The following SULT1B1 variants were observed in gnomAD, a reference collection of about 807,000 sequenced individuals.
SULT1B1 encodes the protein sulfotransferase 1B1.
A neutral mutation model predicts 34.6 loss-of-function variants in SULT1B1; 28 were observed. The ratio of observed to expected loss-of-function variants is 0.81; its 90% CI spans 0.60 to 1.11. The LOEUF is 1.11. Among genes scored for constraint, SULT1B1 ranks in the 50% least tolerant of loss-of-function variants. The probability of loss-of-function intolerance (pLI) is 0.00; values close to 1 mark genes in which losing one functional copy is unlikely to be tolerated. For missense variants in SULT1B1, 374 were observed against 352.2 expected, an observed-to-expected ratio of 1.06 and a Z score of -0.50; for synonymous variants, 147 against 110.2, an observed-to-expected ratio of 1.33 and a Z score of -2.09.
intron 4 of SULT1B1, among the ~76,000 whole-genome samples, chr4:69,747,847 C>T (rs1261998807): frequency 2.6e-5 from 4 of 152,222 alleles, no homozygotes; most frequent in South Asian, 4.1e-4. Context: ...TCATGGTGCT[C>T]AGCAAACCTA....
chr4:69,722,302 T>G lies in SULT1B1; in HGVS notation c.*4786A>C, dbSNP rs1408903397. ...AAATGTGGAAATTATTTTATCTTGCTAGTGAAGAAAGTGTAGCTAATCTAT... is the reference window on the plus strand; with the variant it reads ...AAATGTGGAAATTATTTTATCTTGCGAGTGAAGAAAGTGTAGCTAATCTAT... On this transcript the variant is annotated 3_prime_UTR_variant, in exon 8 of 8. Coordinates refer to ENST00000310613, the MANE Select transcript of SULT1B1 (RefSeq NM_014465.4). 6.6e-6 allele frequency: 1 copy of G among 152,158 alleles called. No homozygotes were observed. The highest frequency in any genetic ancestry group is 2.4e-5 in the African/African-American group (1 of 41,462). 9.4% of individuals were successfully genotyped at this position (152,158 alleles called of 1,614,324 possible). A position where few individuals can be genotyped will look rare whatever the true frequency, so the allele number is the denominator to read the frequency against.
At chr4:69,753,114 C>T (rs1007211027) in intron 3 of SULT1B1, among the ~76,000 whole-genome samples, 1 of 152,112 alleles carries the variant, frequency 6.6e-6, no homozygotes, top group Non-Finnish European at 1.5e-5. Context: ...CTCCAAATAC[C>T]ATCATTTTAA....
intron 3 of SULT1B1, among the ~76,000 whole-genome samples, chr4:69,753,428 C>T (rs904530920): frequency 6.6e-6 from 1 of 152,142 alleles, no homozygotes; most frequent in Non-Finnish European, 1.5e-5. Context: ...TATAATTTTT[C>T]TTTGCATAAA....
At chr4:69,753,341 G>T (rs2110031132) in intron 3 of SULT1B1, among the ~76,000 whole-genome samples, 1 of 152,098 alleles carries the variant, frequency 6.6e-6, no homozygotes, top group East Asian at 1.9e-4. Flanking sequence ...GTCTTATCTA[G>T]CATCCTCAAT....
At chr4:69,739,958 T>G (rs1301721568) in intron 4 of SULT1B1, among the ~76,000 whole-genome samples, 1 of 152,220 alleles carries the variant, frequency 6.6e-6, no homozygotes, top group East Asian at 1.9e-4. Flanking sequence ...TGGACTTCAT[T>G]GTACATATCA....
rs986355084 is a variant in SULT1B1, at chr4:69,724,128, A to AG, written c.*2959_*2960insC. On this transcript the variant is annotated 3_prime_UTR_variant, in exon 8 of 8. Transcript: ENST00000310613. ...CATGATTGTATATGTAGAAAACCCCATTGTCTCAGCCCAAAATCTCCTTAA... is the reference window on the plus strand; with the variant it reads ...CATGATTGTATATGTAGAAAACCCCAGTTGTCTCAGCCCAAAATCTCCTTAA... 26 of 152,228 alleles carry AG rather than the reference A, an allele frequency of 1.7e-4. No individual in the cohort carries two copies. Among genetic ancestry groups the AG allele is most frequent in the African/African-American group, 6.3e-4 (26 of 41,446 alleles). The allele number at this position is 152,228 out of a possible 1,614,324, so 9.4% of individuals were successfully genotyped here.
chr4:69,743,073 C>G (rs1314475536), intron 4 of SULT1B1, among the ~76,000 whole-genome samples: 1 of 152,210 alleles, frequency 6.6e-6, no homozygotes, highest in African/African-American at 2.4e-5. Context: ...CACAGGTCTT[C>G]TCTCTTTCTC....
intron 6 of SULT1B1, among the ~76,000 whole-genome samples, chr4:69,731,976 T>C (rs551767172): frequency 1.3e-5 from 2 of 152,352 alleles, no homozygotes; most frequent in South Asian, 2.1e-4. Context: ...AAAATTGTTC[T>C]TTTCATAAAG....
chr4:69,747,149 A>G (rs1049390568), intron 4 of SULT1B1, among the ~76,000 whole-genome samples: 4 of 152,008 alleles, frequency 2.6e-5, no homozygotes, highest in Non-Finnish European at 5.9e-5. Flanking sequence ...TCAGCGGAGC[A>G]TTGGAGATGA....
In SULT1B1 at chr4:69,726,820, T is replaced by C. The variant is rs1220648740; in HGVS notation, c.*268A>G. 3.2e-6 allele frequency: 1 copy of C among 308,036 alleles called. No homozygotes were observed. Among genetic ancestry groups the C allele is most frequent in the East Asian group, 6.5e-5 (1 of 15,486 alleles). 19.1% of individuals were successfully genotyped at this position (308,036 alleles called of 1,614,324 possible). On this transcript the variant is annotated 3_prime_UTR_variant, in exon 8 of 8. Transcript: ENST00000310613. ...ATCCCTTCTTTCTTATCAGTACTAG[T>C]GTAGAAAAAGGCAGGAAGAGCCTGT...
intron 1 of SULT1B1, among the ~76,000 whole-genome samples, chr4:69,757,182 C>T (rs1427446433): frequency 6.6e-6 from 1 of 152,076 alleles, no homozygotes; most frequent in Admixed American, 6.6e-5. Flanking sequence ...ATTTATTTTA[C>T]AATTTATAGA....
rs1255395844 is a variant in SULT1B1 at position 69,721,870 on chromosome 4, G to A, written c.*5218C>T. The A allele has an allele frequency of 2.0e-5, 3 of 152,076 alleles. No homozygotes were observed. The highest frequency in any genetic ancestry group is 4.4e-5 in the Non-Finnish European group (3 of 67,972). 9.4% of individuals were successfully genotyped at this position (152,076 alleles called of 1,614,324 possible). ...TTGTTATCACTGTCCTTACATCATG[G>A]TTCTGTTAGAGAAAGATTGTAATAT... On this transcript the variant is annotated 3_prime_UTR_variant, in exon 8 of 8. Transcript: ENST00000310613.
intron 3 of SULT1B1, among the ~76,000 whole-genome samples, 181 bp downstream of exon 3, chr4:69,754,489 T>C (rs1006813727): frequency 2.0e-5 from 3 of 152,180 alleles, no homozygotes; most frequent in East Asian, 1.9e-4. Context: ...TTTGATATCA[T>C]ACCTGGATGT....
chr4:69,744,465 C>T (rs1032915021), intron 4 of SULT1B1, among the ~76,000 whole-genome samples: 1 of 152,208 alleles, frequency 6.6e-6, no homozygotes, highest in South Asian at 2.1e-4. Flanking sequence ...GCAGCCGCTC[C>T]TGCCACCACC....
intron 1 of SULT1B1, 69 bp from the exon 2 acceptor site, chr4:69,755,330 G>A: frequency 8.1e-7 from 1 of 1,230,814 alleles, no homozygotes. Context: ...ACTGCAATTT[G>A]TCACAAAGTA....
At position 69,735,430 on chromosome 4, in the gene SULT1B1, T is replaced by G. The variant is rs527782917; in HGVS notation, c.376-1166A>C. 1.5e-4 allele frequency among the ~76,000 whole-genome samples: 23 copies of G among 152,334 alleles called. No homozygotes were observed. The East Asian group carries it at 4.3e-3, about 28-fold the overall frequency. On this transcript the variant is annotated intron_variant, in intron 4 of 7. Transcript: ENST00000310613. ...ACTCTGCTCCACACCCGGGTCTCTG[T>G]AGGTGAGCTAACTCACTGCCAGTAA... is the stretch of plus-strand genomic sequence containing the variant.
chr4:69,749,465 G>C (rs1447359150), intron 4 of SULT1B1, among the ~76,000 whole-genome samples: 1 of 152,076 alleles, frequency 6.6e-6, no homozygotes, highest in Admixed American at 6.5e-5. Flanking sequence ...AAGATCTAGG[G>C]AGAGTTGGAA....
chr4:69,751,490 C>A (rs1035450325), intron 3 of SULT1B1, among the ~76,000 whole-genome samples: 4 of 152,176 alleles, frequency 2.6e-5, no homozygotes, highest in Non-Finnish European at 5.9e-5. Context: ...CTCACTCTGT[C>A]GCCCAGGCTG....
At chr4:69,744,120 A>G (rs918089513) in intron 4 of SULT1B1, among the ~76,000 whole-genome samples, 3 of 152,006 alleles carry the variant, frequency 2.0e-5, no homozygotes, top group African/African-American at 7.3e-5. Flanking sequence ...TCTGCCTTGG[A>G]ACCCCTCTAT....
Sources: allele counts gnomAD v4.1 joint callset (sites outside exome capture counted in the v4.1 genomes callset), GRCh38; gene constraint gnomAD v4.1.1; transcripts MANE v1.5; gene names NCBI Gene and HGNC (gene_info 2026-07-23, HGNC 2026-07-21).